LYRM4: variants seen among roughly 807,000 people sequenced by gnomAD.
The protein encoded by LYRM4 is LYR motif containing 4.
LYRM4 carries 9 observed loss-of-function variants against 11.7 expected under a neutral mutation model. That is an observed-to-expected ratio of 0.77 (90% CI 0.46 to 1.34). The LOEUF is 1.34. Ranked by LOEUF, LYRM4 falls within the 40% of genes most tolerant of loss-of-function variation. The pLI, the probability that LYRM4 is intolerant of heterozygous loss-of-function variation, is 0.00. For synonymous variants in LYRM4, 42 were observed against 40.4 expected, an observed-to-expected ratio of 1.04 and a Z score of -0.15; for missense variants, 133 against 112.5, an observed-to-expected ratio of 1.18 and a Z score of -0.82.
At chr6:5,084,001 G>A in the LYRM4 span, among the ~76,000 whole-genome samples, 1 of 152,172 alleles carries the variant, frequency 6.6e-6, no homozygotes, top group Non-Finnish European at 1.5e-5. Flanking sequence ...TGGGAGCAGT[G>A]GGGGGCGCCT....
At chr6:5,169,764 T>A (rs1256613936) in intron 2 of LYRM4, among the ~76,000 whole-genome samples, 1 of 152,236 alleles carries the variant, frequency 6.6e-6, no homozygotes, top group Non-Finnish European at 1.5e-5. Context: ...TTTTTCTCAC[T>A]ATTTTGTAAG....
intron 2 of LYRM4, among the ~76,000 whole-genome samples, chr6:5,118,731 AG>A (rs1265349863): frequency 6.6e-6 from 1 of 152,212 alleles, no homozygotes; most frequent in Non-Finnish European, 1.5e-5. Flanking sequence ...ACACTGAAAT[AG>A]GGACACATGA....
the LYRM4 span, chr6:5,085,508 T>A: frequency 1.2e-5 from 18 of 1,537,050 alleles, no homozygotes; most frequent in Non-Finnish European, 1.6e-5. Context: ...GGGGCGCGGC[T>A]AAGTTTGGAG....
intron 1 of LYRM4, among the ~76,000 whole-genome samples, chr6:5,222,210 T>C (rs1762621746): frequency 6.6e-6 from 1 of 152,320 alleles, no homozygotes; most frequent in Non-Finnish European, 1.5e-5. Flanking sequence ...ATTCAATACA[T>C]GTTTAATGAA....
chr6:5,159,002 G>C (rs866144821), intron 2 of LYRM4, among the ~76,000 whole-genome samples: 18 of 152,296 alleles, frequency 1.2e-4, no homozygotes, highest in Middle Eastern at 3.4e-3. Flanking sequence ...GGTGGACCTC[G>C]GCTGGGCCAC....
At chr6:5,058,371 C>T in the LYRM4 span, among the ~76,000 whole-genome samples, 1 of 152,370 alleles carries the variant, frequency 6.6e-6, no homozygotes, top group South Asian at 2.1e-4. Flanking sequence ...AGCCTGCTTT[C>T]TCATGTCCGT....
chr6:5,096,521 G>A, the LYRM4 span, among the ~76,000 whole-genome samples: 2 of 152,110 alleles, frequency 1.3e-5, no homozygotes, highest in Non-Finnish European at 2.9e-5. Context: ...CCCTACCACT[G>A]AGAAGTGTAT....
chr6:5,181,525 C>T (rs1007835145), intron 2 of LYRM4, among the ~76,000 whole-genome samples: 2 of 152,190 alleles, frequency 1.3e-5, no homozygotes, highest in African/African-American at 4.8e-5. Context: ...TCTGCCCATT[C>T]CCTAGATTTT....
chr6:5,050,508 C>A, the LYRM4 span, among the ~76,000 whole-genome samples: 1 of 152,198 alleles, frequency 6.6e-6, no homozygotes, highest in Non-Finnish European at 1.5e-5. Context: ...AGGGCCAGCA[C>A]CTGTTTTTGG....
the LYRM4 span, among the ~76,000 whole-genome samples, chr6:5,038,001 T>G: frequency 1.8e-5 from 1 of 54,428 alleles, no homozygotes; most frequent in Non-Finnish European, 4.4e-5. Context: ...CGCTCCTCAC[T>G]TCCCAGACGG....
intron 2 of LYRM4, among the ~76,000 whole-genome samples, chr6:5,114,806 C>A (rs1441684511): frequency 6.6e-6 from 1 of 151,790 alleles, no homozygotes. Flanking sequence ...TTGTGTTGGG[C>A]CACATTCAAA....
At chr6:5,111,306 A>G (rs1581287068) in intron 2 of LYRM4, among the ~76,000 whole-genome samples, 1 of 152,178 alleles carries the variant, frequency 6.6e-6, no homozygotes, top group Admixed American at 6.6e-5. Context: ...GCTACCTGGG[A>G]GCTTGTTCTG....
chr6:5,197,426 C>T (rs6915949), intron 2 of LYRM4, among the ~76,000 whole-genome samples: 2,659 of 152,176 alleles, frequency 0.017, 43 homozygotes, highest in Non-Finnish European at 0.03. Context: ...GTAATCCCAG[C>T]GCTTTGGGAG....
At chr6:5,148,485 T>G (rs200871) in intron 2 of LYRM4, among the ~76,000 whole-genome samples, 4 of 142,232 alleles carry the variant, frequency 2.8e-5, no homozygotes, top group Non-Finnish European at 3.1e-5. Flanking sequence ...GGGGCAGAGT[T>G]AGAACTCTGT....
chr6:5,160,986 G>A (rs989779627), intron 2 of LYRM4, among the ~76,000 whole-genome samples: 8 of 152,192 alleles, frequency 5.3e-5, no homozygotes, highest in African/African-American at 1.9e-4. Context: ...CTGGACTTCA[G>A]CTTTCCTTTT....
At chr6:5,162,676 T>G (rs953645497) in intron 2 of LYRM4, among the ~76,000 whole-genome samples, 1 of 152,214 alleles carries the variant, frequency 6.6e-6, no homozygotes, top group Non-Finnish European at 1.5e-5. Context: ...TATATGTCTA[T>G]GGCACCAAAA....
At chr6:5,139,720 C>G (rs462487) in intron 2 of LYRM4, among the ~76,000 whole-genome samples, 1 of 151,992 alleles carries the variant, frequency 6.6e-6, no homozygotes, top group African/African-American at 2.4e-5. Context: ...ACTGAACTGT[C>G]GCCAATCTGG....
intron 2 of LYRM4, among the ~76,000 whole-genome samples, chr6:5,202,725 T>C (rs567626786): frequency 1.5e-4 from 23 of 152,338 alleles, no homozygotes; most frequent in Middle Eastern, 3.4e-3. Context: ...GACAGGGCTG[T>C]TATAATTAGT....
intron 2 of LYRM4, among the ~76,000 whole-genome samples, chr6:5,124,201 C>T (rs1324035656): frequency 6.6e-6 from 1 of 152,140 alleles, no homozygotes; most frequent in Non-Finnish European, 1.5e-5. Context: ...TCCAGTTAAA[C>T]ACCTAGAGGG....
Sources: gnomAD v4.1 joint callset for allele counts (sites outside exome capture counted in the v4.1 genomes callset) on GRCh38, gnomAD v4.1.1 for gene constraint, MANE v1.5 for transcripts, NCBI Gene and HGNC (gene_info 2026-07-23, HGNC 2026-07-21) for gene names.